The following FHIT variants were observed in gnomAD, a reference collection of about 807,000 sequenced individuals.
FHIT encodes bis(5'-adenosyl)-triphosphatase.
Under a neutral mutation model 17.9 loss-of-function variants are expected in FHIT, and 19 were observed. That is an observed-to-expected ratio of 1.06 (90% CI 0.74 to 1.56). FHIT has a LOEUF of 1.56. FHIT is among the 40% of genes most tolerant of loss of function. FHIT has a pLI of 0.00. For synonymous variants in FHIT, 81 were observed against 69.7 expected, an observed-to-expected ratio of 1.16 and a Z score of -0.81; for missense variants, 248 against 189.2, an observed-to-expected ratio of 1.31 and a Z score of -1.82.
intron 3 of FHIT, among the ~76,000 whole-genome samples, chr3:61,019,060 T>C (rs1445653840): frequency 6.6e-6 from 1 of 152,188 alleles, no homozygotes; most frequent in African/African-American, 2.4e-5. Context: ...GCTTTTCCTG[T>C]TTTTACACAG....
At chr3:60,551,798 C>A (rs1395316728) in intron 4 of FHIT, among the ~76,000 whole-genome samples, 1 of 151,018 alleles carries the variant, frequency 6.6e-6, no homozygotes, top group Non-Finnish European at 1.5e-5. Context: ...GCATATGCCC[C>A]ATTCCCAGAT....
intron 1 of FHIT, among the ~76,000 whole-genome samples, chr3:61,230,208 T>G (rs563507538): frequency 6.6e-6 from 1 of 152,290 alleles, no homozygotes; most frequent in South Asian, 2.1e-4. Flanking sequence ...TAATTCCCAG[T>G]GTCAGAGGTG....
intron 5 of FHIT, among the ~76,000 whole-genome samples, chr3:60,517,854 A>T (rs1245478490): frequency 6.6e-6 from 1 of 152,286 alleles, no homozygotes; most frequent in African/African-American, 2.4e-5. Context: ...GAATGTGAAA[A>T]CACCGCTGTG....
At chr3:59,892,093 G>A (rs1370198756) in intron 8 of FHIT, among the ~76,000 whole-genome samples, 2 of 152,206 alleles carry the variant, frequency 1.3e-5, no homozygotes, top group Non-Finnish European at 2.9e-5. Flanking sequence ...TGAGATCCTT[G>A]ACTTACCTAA....
Position 60,429,584 on chromosome 3 carries a change from C to A in FHIT, c.103+107276G>T, listed in dbSNP as rs546474763. ...CCCAGGCAGCAGGTTTAACATGGCC[C>A]GGCCCTGTTTAAGGGTATCTATCAC... On this transcript the variant is annotated intron_variant, in intron 5 of 9. Coordinates refer to ENST00000492590, the MANE Select transcript of FHIT (RefSeq NM_002012.4). 7.8e-4 allele frequency among the ~76,000 whole-genome samples: 119 copies of A among 151,932 alleles called. 9 individuals carry two copies. Among genetic ancestry groups the A allele is most frequent in the Admixed American group, 6.6e-5 (1 of 15,238 alleles).
intron 5 of FHIT, among the ~76,000 whole-genome samples, chr3:60,092,143 G>A (rs1703760137): frequency 6.6e-6 from 1 of 152,174 alleles, no homozygotes; most frequent in African/African-American, 2.4e-5. Flanking sequence ...CAGAAGCTAT[G>A]CCAGTATGTT....
chr3:61,099,725 A>T (rs180910438), intron 2 of FHIT, among the ~76,000 whole-genome samples: 129 of 152,046 alleles, frequency 8.5e-4, no homozygotes, highest in Non-Finnish European at 1.5e-3. Context: ...ATATACTCTG[A>T]TAGTTATTTG....
intron 7 of FHIT, among the ~76,000 whole-genome samples, chr3:60,006,393 A>G (rs866571627): frequency 1.5e-4 from 23 of 152,280 alleles, no homozygotes; most frequent in African/African-American, 5.3e-4. Flanking sequence ...AACCATCTCA[A>G]TGCTAGTTAC....
intron 7 of FHIT, among the ~76,000 whole-genome samples, chr3:59,956,158 A>C (rs1408122975): frequency 1.3e-5 from 2 of 152,186 alleles, no homozygotes; most frequent in Non-Finnish European, 1.5e-5. Flanking sequence ...TGTGTTGCTC[A>C]GGTCTTTAGT....
intron 5 of FHIT, among the ~76,000 whole-genome samples, chr3:60,152,270 G>A (rs760809936): frequency 2.6e-5 from 4 of 152,116 alleles, no homozygotes; most frequent in East Asian, 1.9e-4. Flanking sequence ...CTATTAGCTC[G>A]TAGGAAGCAC....
intron 7 of FHIT, among the ~76,000 whole-genome samples, chr3:59,994,770 G>T (rs956506522): frequency 6.6e-6 from 1 of 152,030 alleles, no homozygotes. Context: ...ATAAGACATG[G>T]CATTTCAGGT....
chr3:59,888,630 T>C (rs955587505), intron 8 of FHIT, among the ~76,000 whole-genome samples: 1 of 152,222 alleles, frequency 6.6e-6, no homozygotes, highest in African/African-American at 2.4e-5. Flanking sequence ...CTATATTTAT[T>C]GATTTTCTTT....
At chr3:60,520,655 A>T (rs1391742897) in intron 5 of FHIT, among the ~76,000 whole-genome samples, 1 of 152,082 alleles carries the variant, frequency 6.6e-6, no homozygotes, top group Non-Finnish European at 1.5e-5. Context: ...TTTCAAAAAA[A>T]AAATCCATTA....
At chr3:60,467,598 A>G (rs430766) in intron 5 of FHIT, among the ~76,000 whole-genome samples, 63,695 of 149,144 alleles carry the variant, frequency 0.43, 14,113 homozygotes, top group Middle Eastern at 0.57. Context: ...TCAGAAGCAT[A>G]TTGTTTAATT....
intron 4 of FHIT, among the ~76,000 whole-genome samples, chr3:60,667,063 G>T (rs1402805491): frequency 1.9e-5 from 2 of 102,892 alleles, no homozygotes; most frequent in African/African-American, 3.7e-5. Flanking sequence ...TAGAGACAGG[G>T]TTTTACCATT....
At chr3:60,681,840 C>T (rs1411592109) in intron 4 of FHIT, among the ~76,000 whole-genome samples, 1 of 152,154 alleles carries the variant, frequency 6.6e-6, no homozygotes, top group Non-Finnish European at 1.5e-5. Flanking sequence ...GAGGCTGATT[C>T]ATGAGGTTCA....
At chr3:61,191,688 T>G (rs1320929925) in intron 2 of FHIT, among the ~76,000 whole-genome samples, 6 of 152,074 alleles carry the variant, frequency 3.9e-5, no homozygotes, top group Non-Finnish European at 5.9e-5. Context: ...GGGAAAGGGT[T>G]AACAGCTGCT....
At chr3:60,696,179 A>C (rs569450729) in intron 4 of FHIT, among the ~76,000 whole-genome samples, 4 of 152,336 alleles carry the variant, frequency 2.6e-5, no homozygotes, top group African/African-American at 9.6e-5. Context: ...TATGAGCCTC[A>C]TATAAAATAT....
intron 3 of FHIT, among the ~76,000 whole-genome samples, chr3:61,014,628 A>C (rs2107630859): frequency 6.6e-6 from 1 of 151,108 alleles, no homozygotes; most frequent in East Asian, 2.0e-4. Flanking sequence ...AAATACAAAA[A>C]AATTAGCCAG....
Sources: gnomAD v4.1 joint callset for allele counts (sites outside exome capture counted in the v4.1 genomes callset) on GRCh38, gnomAD v4.1.1 for gene constraint, MANE v1.5 for transcripts, NCBI Gene and HGNC (gene_info 2026-07-23, HGNC 2026-07-21) for gene names.